Variants in TRPC6 observed in about 807,000 individuals in gnomAD.
The protein encoded by TRPC6 is short transient receptor potential channel 6.
A neutral mutation model predicts 90.7 loss-of-function variants in TRPC6; 55 were observed. That is an observed-to-expected ratio of 0.61 (90% CI 0.49 to 0.76). The LOEUF is 0.76. TRPC6 is among the 30% of genes least tolerant of loss of function. The pLI is 0.00. For synonymous variants in TRPC6, 393 were observed against 393.0 expected (o/e 1.00, Z 0.00); for missense variants, 989 against 1,122.7 (o/e 0.88, Z 1.70).
At chr11:101,457,550 A>C (rs1048836139) in intron 10 of TRPC6, among the ~76,000 whole-genome samples, 3 of 152,202 alleles carry the variant, frequency 2.0e-5, no homozygotes, top group African/African-American at 7.2e-5. Context: ...GGAACAGAGC[A>C]ATGAACTGAA....
chr11:101,473,874 G>A, intron 6 of TRPC6, 101 bp from the exon 7 acceptor site: 2 of 1,540,842 alleles, frequency 1.3e-6, no homozygotes, highest in Non-Finnish European at 1.8e-6. Flanking sequence ...TTAGAATCCG[G>A]TTTTCGAATG....
intron 3 of TRPC6, 116 bp downstream of exon 3, chr11:101,491,440 A>C (rs1859806290): frequency 2.8e-6 from 4 of 1,418,370 alleles, no homozygotes; most frequent in Admixed American, 2.0e-5. Context: ...TCTCAAAAAA[A>C]AAAAAAGAGA....
intron 2 of TRPC6, among the ~76,000 whole-genome samples, chr11:101,501,031 T>C (rs1860107664): frequency 6.6e-6 from 1 of 152,112 alleles, no homozygotes; most frequent in African/African-American, 2.4e-5. Flanking sequence ...TTTTAAACTG[T>C]GTGAATGAAC....
chr11:101,583,234 G>T, intron 1 of TRPC6, 100 bp downstream of exon 1: 1 of 1,480,210 alleles, frequency 6.8e-7, no homozygotes, highest in South Asian at 1.3e-5. Flanking sequence ...GTACACACGC[G>T]GGTTCAGGAC....
At chr11:101,477,090 G>C (rs1164163264) in intron 5 of TRPC6, among the ~76,000 whole-genome samples, 4 of 151,750 alleles carry the variant, frequency 2.6e-5, no homozygotes, top group Non-Finnish European at 4.4e-5. Flanking sequence ...TACTGAGGGT[G>C]CCCCTTCTTG....
intron 2 of TRPC6, 95 bp from the exon 3 acceptor site, chr11:101,491,833 A>ATTTTTTTTTTTTTTTTTTTTTTTTTTTTT (rs200869151): frequency 3.9e-6 from 3 of 764,508 alleles, no homozygotes; most frequent in African/African-American, 5.6e-5. Flanking sequence ...TAAGAGAAAC[A>ATTTTTTTTTTTTTTTTTTTTTTTTTTTTT]TTCTTTTTTT....
At chr11:101,579,638 T>G (rs571196733) in intron 1 of TRPC6, among the ~76,000 whole-genome samples, 1 of 152,364 alleles carries the variant, frequency 6.6e-6, no homozygotes, top group East Asian at 1.9e-4. Context: ...TGACTATTTC[T>G]AGGCTAGTTA....
At chr11:101,498,797 G>T (rs1345827001) in intron 2 of TRPC6, among the ~76,000 whole-genome samples, 1 of 152,116 alleles carries the variant, frequency 6.6e-6, no homozygotes, top group Non-Finnish European at 1.5e-5. Flanking sequence ...TCCTAAAATG[G>T]ATTTCCTTGA....
At chr11:101,454,289 TGATG>T (rs1037846511) in intron 11 of TRPC6, among the ~76,000 whole-genome samples, 2 of 152,252 alleles carry the variant, frequency 1.3e-5, no homozygotes, top group African/African-American at 4.8e-5. Flanking sequence ...CAGAAAGTCT[TGATG>T]GATATAGAAC....
intron 10 of TRPC6, among the ~76,000 whole-genome samples, chr11:101,462,733 A>G (rs907447614): frequency 1.2e-4 from 18 of 152,190 alleles, no homozygotes; most frequent in Non-Finnish European, 2.4e-4. Flanking sequence ...CTTTCTAAAT[A>G]CACAATCATG....
At chr11:101,491,307 G>C in intron 3 of TRPC6, 1 of 369,200 alleles carries the variant, frequency 2.7e-6, no homozygotes, top group South Asian at 2.3e-5. Flanking sequence ...GGTGGTGGGC[G>C]CCTGTAGTCC....
At chr11:101,526,788 C>T (rs1035221703) in intron 1 of TRPC6, among the ~76,000 whole-genome samples, 2 of 138,252 alleles carry the variant, frequency 1.4e-5, no homozygotes, top group African/African-American at 2.7e-5. Flanking sequence ...CTCGTCAACC[C>T]GGGAGGCGGA....
At chr11:101,563,895 T>TTG (rs1405722269) in intron 1 of TRPC6, among the ~76,000 whole-genome samples, 3 of 152,196 alleles carry the variant, frequency 2.0e-5, no homozygotes, top group Non-Finnish European at 4.4e-5. Flanking sequence ...CATTTTCTAC[T>TTG]TGTACATTTA....
At position 101,583,723 on chromosome 11, in the gene TRPC6, T is replaced by C. The variant is rs1399199389; in HGVS notation, c.-220A>G. On this transcript the variant is annotated 5_prime_UTR_variant, in exon 1 of 13. Coordinates refer to ENST00000344327, the MANE Select transcript of TRPC6 (RefSeq NM_004621.6). The stretch of plus-strand genomic sequence containing the variant: ...ACCACTTAAGGGGGTGCAAAGAGGA[T>C]CTTGACCTGAGCAGGTCAGGCCGAG... 1 of 469,828 alleles carries C rather than the reference T, an allele frequency of 2.1e-6. No homozygotes were observed. Among genetic ancestry groups the C allele is most frequent in the Non-Finnish European group, 3.6e-6 (1 of 275,516 alleles). The allele number at this position is 469,828 out of a possible 1,614,324, so 29.1% of individuals were successfully genotyped here.
intron 2 of TRPC6, among the ~76,000 whole-genome samples, chr11:101,496,187 T>TCCC (rs2136717967): frequency 6.6e-6 from 1 of 152,144 alleles, no homozygotes; most frequent in African/African-American, 2.4e-5. Flanking sequence ...GGAAAATCCA[T>TCCC]CCCCACGATG....
At chr11:101,571,906 C>T (rs1565251353) in intron 1 of TRPC6, among the ~76,000 whole-genome samples, 1 of 152,106 alleles carries the variant, frequency 6.6e-6, no homozygotes, top group Non-Finnish European at 1.5e-5. Context: ...AGACCTAAAA[C>T]CATAAAAACC....
intron 1 of TRPC6, chr11:101,519,818 T>C (rs1326269222): frequency 1.3e-5 from 2 of 153,836 alleles, no homozygotes; most frequent in Non-Finnish European, 2.9e-5. Flanking sequence ...AATCTGATCT[T>C]TACTGAGTGA....
chr11:101,467,661 G>C (rs372747637), intron 10 of TRPC6, among the ~76,000 whole-genome samples: 1 of 152,176 alleles, frequency 6.6e-6, no homozygotes, highest in African/African-American at 2.4e-5. Flanking sequence ...TGAGAACATG[G>C]GTGGTAGGCT....
rs115501908 is a variant in TRPC6, at chr11:101,534,516, G to A, written c.171-29718C>T. Among the ~76,000 whole-genome samples the A allele has an allele frequency of 7.4e-3, 1,126 of 151,928 alleles. 24 individuals are homozygous for A. The highest frequency in any genetic ancestry group is 0.026 in the African/African-American group (1,073 of 41,404). On this transcript the variant is annotated intron_variant, in intron 1 of 12. Transcript: ENST00000344327. Reference sequence around the variant, plus strand: ...CAAGATATAACAGTAAGGATTTGGTGTAAACATAATCCTAAAACAAATGAA... The same window carrying A: ...CAAGATATAACAGTAAGGATTTGGTATAAACATAATCCTAAAACAAATGAA...
Sources: allele counts gnomAD v4.1 joint callset (sites outside exome capture counted in the v4.1 genomes callset), GRCh38; gene constraint gnomAD v4.1.1; transcripts MANE v1.5; gene names NCBI Gene and HGNC (gene_info 2026-07-23, HGNC 2026-07-21).